Variants in PNPLA7 observed in about 807,000 individuals in gnomAD.
PNPLA7 encodes the protein patatin-like phospholipase domain-containing protein 7.
PNPLA7 carries 153 observed loss-of-function variants against 161.7 expected under a neutral mutation model. That is an observed-to-expected ratio of 0.95 (90% CI 0.83 to 1.08). The LOEUF is 1.08. Ranked by LOEUF, PNPLA7 falls within the 50% of genes least tolerant of loss-of-function variation. The probability of loss-of-function intolerance (pLI) is 0.00; values close to 1 mark genes in which losing one functional copy is unlikely to be tolerated. For synonymous variants in PNPLA7, 809 were observed against 782.1 expected, an observed-to-expected ratio of 1.03 and a Z score of -0.57; for missense variants, 1,739 against 1,856.6, an observed-to-expected ratio of 0.94 and a Z score of 1.16.
At chr9:137,465,840 G>A (rs1831437116) in intron 26 of PNPLA7, among the ~76,000 whole-genome samples, 1 of 152,196 alleles carries the variant, frequency 6.6e-6, no homozygotes, top group African/African-American at 2.4e-5. Context: ...ACAAAAGCAA[G>A]CGCAGCGCTG....
intron 12 of PNPLA7, chr9:137,509,896 A>G: frequency 3.0e-6 from 1 of 335,562 alleles, no homozygotes; most frequent in Non-Finnish European, 6.0e-6. Context: ...GAATATCATT[A>G]ATCATTAGTT....
intron 11 of PNPLA7, 110 bp from the exon 12 acceptor site, chr9:137,515,629 C>T: frequency 7.5e-7 from 1 of 1,341,726 alleles, no homozygotes; most frequent in Non-Finnish European, 9.8e-7. Context: ...CCCTGCGCAC[C>T]TGAACGCGCT....
intron 21 of PNPLA7, among the ~76,000 whole-genome samples, chr9:137,482,605 G>C (rs1012760646): frequency 6.6e-6 from 1 of 152,248 alleles, no homozygotes; most frequent in African/African-American, 2.4e-5. Context: ...GCCACCTGCA[G>C]GGTCTCCTCC....
chr9:137,495,178 G>C, intron 18 of PNPLA7, 32 bp from the exon 19 acceptor site: 3 of 1,520,662 alleles, frequency 2.0e-6, no homozygotes, highest in African/African-American at 1.4e-5. Context: ...TGGGGCCGCG[G>C]GCTTGGGAGG....
rs1832509012 is a variant in PNPLA7, at chr9:137,486,803, G to A, written c.2198-2067C>T. 6.6e-6 allele frequency among the ~76,000 whole-genome samples: 1 copy of A among 151,666 alleles called. No homozygotes were observed. Among genetic ancestry groups the A allele is most frequent in the Admixed American group, 6.6e-5 (1 of 15,256 alleles). Reference sequence around the variant, plus strand: ...CCCAAGTCTGCCCGGAGCCTTTTTTGCTCAAAGCCCCTGGTGCCCCTCCCC... The same window carrying A: ...CCCAAGTCTGCCCGGAGCCTTTTTTACTCAAAGCCCCTGGTGCCCCTCCCC... On this transcript the variant is annotated intron_variant, in intron 20 of 34. Transcript: ENST00000406427. The surrounding 1 kb of genome is among the most constrained non-coding windows in gnomAD (Gnocchi z 6.0).
chr9:137,492,028 G>A (rs1588588743), intron 20 of PNPLA7: 1 of 985,414 alleles, frequency 1.0e-6, no homozygotes, highest in Non-Finnish European at 1.2e-6. Context: ...GCAGGAGAGA[G>A]GAGCTCCCAG....
At chr9:137,539,272 G>A (rs962048962) in intron 8 of PNPLA7, among the ~76,000 whole-genome samples, 6 of 152,168 alleles carry the variant, frequency 3.9e-5, no homozygotes, top group African/African-American at 1.4e-4. Flanking sequence ...GAACCTGGGA[G>A]GTGGAGGTTA....
intron 14 of PNPLA7, among the ~76,000 whole-genome samples, chr9:137,502,341 G>GC (rs1833481572): frequency 6.6e-6 from 1 of 152,028 alleles, no homozygotes; most frequent in Non-Finnish European, 1.5e-5. Flanking sequence ...AAAATAAGAA[G>GC]CCCCACCCAG....
At chr9:137,504,427 G>C (rs1298377817) in intron 14 of PNPLA7, among the ~76,000 whole-genome samples, 1 of 152,192 alleles carries the variant, frequency 6.6e-6, no homozygotes, top group East Asian at 1.9e-4. Context: ...GGTCAGGCTG[G>C]TCTCGGACTC....
intron 14 of PNPLA7, among the ~76,000 whole-genome samples, chr9:137,503,786 G>GAAAAA (rs374070077): frequency 0.015 from 49 of 3,356 alleles, 18 homozygotes; most frequent in South Asian, 0.032. Flanking sequence ...AAAGAAAGAA[G>GAAAAA]AGAATGAAGA....
Position 137,540,577 on chromosome 9 carries a change from C to T in PNPLA7, c.747+65G>A. ...ACCACTACCAGCTGTCCAGACAAGA[C>T]AGAAAAACCAGGCCTCCGGGGCCAA... On this transcript the variant is annotated intron_variant, in intron 8 of 34. Transcript: ENST00000406427. This position sits in a 1 kb window ranked among gnomAD's most constrained non-coding sequence, Gnocchi z 5.1. 4 of 1,407,250 alleles carry T rather than the reference C, an allele frequency of 2.8e-6. No homozygotes were observed. The highest frequency in any genetic ancestry group is 3.9e-6 in the Non-Finnish European group (4 of 1,021,592). The allele number at this position is 1,407,250 out of a possible 1,614,324, so 87.2% of individuals were successfully genotyped here. A position where few individuals can be genotyped will look rare whatever the true frequency, so the allele number is the denominator to read the frequency against.
chr9:137,543,338 C>G lies in PNPLA7; in HGVS notation c.506+94G>C. ...ACGATGCGCTTTGCCAACCATTCCC[C>G]CAACACAAGACGGCCAAGCTGGAGC... On this transcript the variant is annotated intron_variant, in intron 6 of 34. Coordinates refer to ENST00000406427, the MANE Select transcript of PNPLA7 (RefSeq NM_001098537.3). The surrounding 1 kb of genome is among the most constrained non-coding windows in gnomAD (Gnocchi z 6.9). 1 of 1,527,602 alleles carries G rather than the reference C, an allele frequency of 6.5e-7. No homozygotes were observed. Among genetic ancestry groups the G allele is most frequent in the Non-Finnish European group, 9.0e-7 (1 of 1,112,436 alleles). 94.6% of individuals were successfully genotyped at this position (1,527,602 alleles called of 1,614,324 possible).
chr9:137,525,743 C>T (rs1030830273), intron 8 of PNPLA7, among the ~76,000 whole-genome samples: 1 of 145,976 alleles, frequency 6.9e-6, no homozygotes, highest in Admixed American at 6.8e-5. Flanking sequence ...TGGCTGCGGG[C>T]GGGCTTGACT....
chr9:137,527,229 C>T (rs960868746), intron 8 of PNPLA7, among the ~76,000 whole-genome samples: 1 of 151,320 alleles, frequency 6.6e-6, no homozygotes, highest in African/African-American at 2.4e-5. Flanking sequence ...GATTGCGCCA[C>T]TGCACTCCGG....
intron 21 of PNPLA7, among the ~76,000 whole-genome samples, chr9:137,482,011 C>A (rs959756151): frequency 7.2e-5 from 11 of 152,196 alleles, no homozygotes; most frequent in Admixed American, 1.3e-4. Flanking sequence ...TAGAGGCACA[C>A]AAAATAAGGG....
In PNPLA7 at chr9:137,480,435, GTCC is replaced by G. The variant is rs757461960; in HGVS notation, c.2454_2456del (p.Glu818del). ...CCTGGTAGAGCACGATCCTGTGGGT[GTCC>G]TCCTGCTGCCCCAGCCAGCTGGACA... On this transcript the variant is annotated inframe_deletion, in exon 23 of 35. Transcript: ENST00000406427. The G allele has an allele frequency of 5.6e-6, 9 of 1,612,878 alleles. No individual in the cohort carries two copies. Among genetic ancestry groups the G allele is most frequent in the Non-Finnish European group, 7.6e-6 (9 of 1,179,488 alleles).
rs199624800 is a variant in PNPLA7, at chr9:137,459,967, C to T, written c.*426G>A. 389 of 191,250 alleles carry T rather than the reference C, an allele frequency of 2.0e-3. 1 individual carries two copies. The highest frequency in any genetic ancestry group is 3.5e-3 in the Non-Finnish European group (312 of 88,778). The allele number at this position is 191,250 out of a possible 1,614,324, so 11.8% of individuals were successfully genotyped here. A position where few individuals can be genotyped will look rare whatever the true frequency, so the allele number is the denominator to read the frequency against. On this transcript the variant is annotated 3_prime_UTR_variant, in exon 35 of 35. Coordinates refer to ENST00000406427, the MANE Select transcript of PNPLA7 (RefSeq NM_001098537.3). The stretch of plus-strand genomic sequence containing the variant: ...GAGACACGTCCAACAGTGAGATCCA[C>T]CTTTATTGAAACATCACACGGCAGC...
At chr9:137,506,412 T>C (rs950973918) in intron 12 of PNPLA7, among the ~76,000 whole-genome samples, 1 of 152,200 alleles carries the variant, frequency 6.6e-6, no homozygotes, top group Non-Finnish European at 1.5e-5. Flanking sequence ...AACCTTGCCA[T>C]GCGTGCCACA....
At chr9:137,497,969 T>C in intron 17 of PNPLA7, 145 bp downstream of exon 17, 1 of 1,282,548 alleles carries the variant, frequency 7.8e-7, no homozygotes, top group Non-Finnish European at 1.1e-6. Flanking sequence ...TAAGCTGGGG[T>C]GGGGCTGGGG....
Sources: gnomAD v4.1 joint callset for allele counts (sites outside exome capture counted in the v4.1 genomes callset) on GRCh38, gnomAD v4.1.1 for gene constraint, Gnocchi (gnomAD v3.1) non-coding constraint, MANE v1.5 for transcripts, NCBI Gene and HGNC (gene_info 2026-07-23, HGNC 2026-07-21) for gene names.